Variants in GRID2 observed in about 807,000 individuals in gnomAD.
GRID2 encodes glutamate receptor ionotropic, delta-2.
In GRID2, 33 loss-of-function variants were observed where a neutral mutation model predicts 114.8. The ratio of observed to expected loss-of-function variants is 0.29; its 90% CI spans 0.22 to 0.38. The LOEUF is 0.38. Among genes scored for constraint, GRID2 ranks in the 10% least tolerant of loss-of-function variants. GRID2 has a pLI of 1.00. For synonymous variants in GRID2, 505 were observed against 449.9 expected, an observed-to-expected ratio of 1.12 and a Z score of -1.55; for missense variants, 1,184 against 1,257.7, an observed-to-expected ratio of 0.94 and a Z score of 0.89.
chr4:93,188,298 C>A (rs866662519), intron 4 of GRID2, among the ~76,000 whole-genome samples: 33 of 152,294 alleles, frequency 2.2e-4, no homozygotes, highest in Middle Eastern at 3.4e-3. Context: ...GTGGAGATGG[C>A]ACTGTGCAGA....
chr4:92,699,493 T>C (rs956142473), intron 2 of GRID2, among the ~76,000 whole-genome samples: 2 of 152,100 alleles, frequency 1.3e-5, no homozygotes, highest in Non-Finnish European at 2.9e-5. Context: ...ATTTGAAAAA[T>C]AGGACAGAGT....
intron 2 of GRID2, among the ~76,000 whole-genome samples, chr4:92,962,130 G>A (rs529899702): frequency 6.6e-6 from 1 of 151,816 alleles, no homozygotes. Flanking sequence ...AAAATTCCCA[G>A]TCTGATAATT....
At chr4:93,752,805 T>C (rs552797400) in intron 14 of GRID2, among the ~76,000 whole-genome samples, 2 of 152,346 alleles carry the variant, frequency 1.3e-5, no homozygotes, top group Admixed American at 6.5e-5. Flanking sequence ...TCATAAATTA[T>C]TTATTATGTG....
chr4:93,205,759 T>C (rs916310339), intron 4 of GRID2, among the ~76,000 whole-genome samples: 1 of 151,998 alleles, frequency 6.6e-6, no homozygotes, highest in Non-Finnish European at 1.5e-5. Context: ...GTTGAACTAG[T>C]TGACAGTCCC....
At chr4:92,550,999 T>C (rs1726557318) in intron 1 of GRID2, among the ~76,000 whole-genome samples, 1 of 152,188 alleles carries the variant, frequency 6.6e-6, no homozygotes, top group African/African-American at 2.4e-5. Flanking sequence ...TGGTTAATTG[T>C]TTCTTTTTCA....
chr4:92,502,705 C>CTTTTTTTT (rs70940901), intron 1 of GRID2, among the ~76,000 whole-genome samples: 2 of 63,944 alleles, frequency 3.1e-5, no homozygotes, highest in Non-Finnish European at 5.4e-5. Context: ...CATGTGATTT[C>CTTTTTTTT]TTTTTTTTTT....
At chr4:93,493,681 T>A (rs979457757) in intron 12 of GRID2, among the ~76,000 whole-genome samples, 1 of 151,772 alleles carries the variant, frequency 6.6e-6, no homozygotes, top group Non-Finnish European at 1.5e-5. Flanking sequence ...CCAGTTTTTA[T>A]CTAGACTTTC....
chr4:93,547,696 A>G (rs529687050), intron 13 of GRID2, among the ~76,000 whole-genome samples: 2 of 152,164 alleles, frequency 1.3e-5, no homozygotes, highest in South Asian at 2.1e-4. Flanking sequence ...AATTTCTCAG[A>G]CTCTTACATC....
intron 2 of GRID2, among the ~76,000 whole-genome samples, chr4:92,844,176 A>G (rs921880243): frequency 6.6e-6 from 1 of 152,060 alleles, no homozygotes; most frequent in East Asian, 1.9e-4. Context: ...AACAAGCTTA[A>G]CTCATTTTTG....
intron 4 of GRID2, among the ~76,000 whole-genome samples, chr4:93,119,419 T>C (rs1243945684): frequency 3.9e-5 from 6 of 152,166 alleles, no homozygotes; most frequent in African/African-American, 1.4e-4. Flanking sequence ...ACAAAAAAAT[T>C]CTATATAAAT....
chr4:93,155,221 T>A (rs1737069196), intron 4 of GRID2, among the ~76,000 whole-genome samples: 1 of 151,988 alleles, frequency 6.6e-6, no homozygotes, highest in Admixed American at 6.6e-5. Flanking sequence ...TTCTTAATTC[T>A]GCTTCCTAAA....
intron 2 of GRID2, among the ~76,000 whole-genome samples, chr4:92,982,716 G>T (rs1754293525): frequency 6.6e-6 from 1 of 151,990 alleles, no homozygotes; most frequent in Non-Finnish European, 1.5e-5. Flanking sequence ...TGTAAAGTCT[G>T]CTTTTTCATA....
At chr4:92,319,782 A>C (rs1245360980) in intron 1 of GRID2, among the ~76,000 whole-genome samples, 1 of 152,190 alleles carries the variant, frequency 6.6e-6, no homozygotes, top group Admixed American at 6.6e-5. Context: ...ACAGTTATGA[A>C]ATTTTACATT....
intron 1 of GRID2, among the ~76,000 whole-genome samples, chr4:93,801,228 T>C (rs1734921641): frequency 6.6e-6 from 1 of 152,164 alleles, no homozygotes; most frequent in Non-Finnish European, 1.5e-5. Context: ...AAATTTCTAG[T>C]TAAGTTTCCC....
intron 12 of GRID2, among the ~76,000 whole-genome samples, chr4:93,491,932 C>G (rs1461710904): frequency 6.6e-6 from 1 of 151,836 alleles, no homozygotes; most frequent in Non-Finnish European, 1.5e-5. Context: ...TTTATCCATT[C>G]ATAAAATTGA....
At chr4:93,255,132 G>C (rs1046562172) in intron 8 of GRID2, among the ~76,000 whole-genome samples, 3 of 151,880 alleles carry the variant, frequency 2.0e-5, no homozygotes, top group Non-Finnish European at 4.4e-5. Flanking sequence ...ATAAATACGT[G>C]AACATTTTAT....
chr4:93,048,160 T>G (rs942793455), intron 2 of GRID2, among the ~76,000 whole-genome samples: 2 of 152,048 alleles, frequency 1.3e-5, no homozygotes, highest in African/African-American at 4.8e-5. Context: ...AAGTCACGTG[T>G]GCCCCACTGT....
At chr4:93,048,257 A>G (rs1253188248) in intron 2 of GRID2, among the ~76,000 whole-genome samples, 1 of 151,988 alleles carries the variant, frequency 6.6e-6, no homozygotes, top group Admixed American at 6.6e-5. Flanking sequence ...TACAGGAAGC[A>G]CTCATTGTCA....
chr4:93,499,497 A>G (rs1727889548), intron 12 of GRID2, among the ~76,000 whole-genome samples: 1 of 151,888 alleles, frequency 6.6e-6, no homozygotes, highest in South Asian at 2.1e-4. Flanking sequence ...TTTTCATGCT[A>G]CAGTCAAGCT....
Sources: allele counts gnomAD v4.1 joint callset (sites outside exome capture counted in the v4.1 genomes callset), GRCh38; gene constraint gnomAD v4.1.1; transcripts MANE v1.5; gene names NCBI Gene and HGNC (gene_info 2026-07-23, HGNC 2026-07-21).